Variants in SLC35F1 observed in about 807,000 individuals in gnomAD.
The protein encoded by SLC35F1 is chromosome 6 open reading frame 169.
Under a neutral mutation model 48.7 loss-of-function variants are expected in SLC35F1, and 14 were observed. That is an observed-to-expected ratio of 0.29 (90% CI 0.19 to 0.45). SLC35F1 has a LOEUF of 0.45. SLC35F1 is among the 20% of genes least tolerant of loss of function. The pLI, the probability that SLC35F1 is intolerant of heterozygous loss-of-function variation, is 1.00. For missense variants in SLC35F1, 404 were observed against 500.0 expected (o/e 0.81, Z 1.83); for synonymous variants, 190 against 202.2 (o/e 0.94, Z 0.51).
At chr6:118,041,433 C>A (rs1772218278) in intron 1 of SLC35F1, among the ~76,000 whole-genome samples, 1 of 152,138 alleles carries the variant, frequency 6.6e-6, no homozygotes, top group African/African-American at 2.4e-5. Context: ...CCAGCCTCAT[C>A]TAACACTTCT....
At chr6:118,038,889 T>C (rs1772171100) in intron 1 of SLC35F1, among the ~76,000 whole-genome samples, 1 of 152,186 alleles carries the variant, frequency 6.6e-6, no homozygotes, top group African/African-American at 2.4e-5. Flanking sequence ...CCCAAATCAC[T>C]GGGATTATAG....
At chr6:118,171,324 C>T (rs982868929) in intron 2 of SLC35F1, among the ~76,000 whole-genome samples, 2 of 152,188 alleles carry the variant, frequency 1.3e-5, no homozygotes, top group African/African-American at 4.8e-5. Flanking sequence ...AGCTACCATG[C>T]CCAGCCTGCA....
At position 118,314,043 on chromosome 6, in the gene SLC35F1, C is replaced by A. The variant is rs1257844661; in HGVS notation, c.1018C>A (p.Leu340Ile). 1 of 1,614,152 alleles carries A rather than the reference C, an allele frequency of 6.2e-7. No homozygotes were observed. The highest frequency in any genetic ancestry group is 2.2e-5 in the East Asian group (1 of 44,882). Residue 340 changes from leucine to isoleucine, a missense_variant, in exon 8 of 8, where the codon CTC (leucine) becomes ATC (isoleucine). Physicochemically the swap from Leu to Ile is conservative, Grantham distance 5. Transcript: ENST00000360388. ...GTTTTTTTAGTTTTCAGGACTTTATCTCCTGTCTTTCTTCACCATCCTCAT... is the reference window on the plus strand; with the variant it reads ...GTTTTTTTAGTTTTCAGGACTTTATATCCTGTCTTTCTTCACCATCCTCAT... The part of the protein sequence containing the change: ...LFHYKFSGLY[L>I]LSFFTILIGL...
chr6:117,932,171 C>G (rs1445113974), intron 1 of SLC35F1, among the ~76,000 whole-genome samples: 2 of 152,190 alleles, frequency 1.3e-5, no homozygotes, highest in African/African-American at 2.4e-5. Flanking sequence ...ATCTTGGAAG[C>G]AGAGAGCAGC....
chr6:118,111,739 A>T (rs1431676676), intron 1 of SLC35F1, among the ~76,000 whole-genome samples: 2 of 152,202 alleles, frequency 1.3e-5, no homozygotes, highest in Non-Finnish European at 2.9e-5. Context: ...TAAAAGAATA[A>T]GAGAAACAAT....
At chr6:118,165,137 G>A (rs766222467) in intron 2 of SLC35F1, among the ~76,000 whole-genome samples, 5 of 152,140 alleles carry the variant, frequency 3.3e-5, no homozygotes, top group Non-Finnish European at 7.4e-5. Context: ...GGGAAGGGAG[G>A]GTTGCCAAAG....
At chr6:118,084,224 C>T (rs1189464217) in intron 1 of SLC35F1, among the ~76,000 whole-genome samples, 1 of 152,050 alleles carries the variant, frequency 6.6e-6, no homozygotes, top group Non-Finnish European at 1.5e-5. Flanking sequence ...TTTATAAAGT[C>T]CCATGACTTT....
At chr6:118,153,331 A>C (rs1774091270) in intron 1 of SLC35F1, among the ~76,000 whole-genome samples, 1 of 152,230 alleles carries the variant, frequency 6.6e-6, no homozygotes, top group Admixed American at 6.5e-5. Context: ...AGAAATGATA[A>C]ATTTTTGATC....
At chr6:118,159,247 A>AAAAAG (rs1774191640) in intron 2 of SLC35F1, among the ~76,000 whole-genome samples, 1 of 146,628 alleles carries the variant, frequency 6.8e-6, no homozygotes, top group Admixed American at 6.8e-5. Context: ...AAAAAAAAAA[A>AAAAAG]GTGCTTACTG....
chr6:117,994,047 C>T (rs755284319), intron 1 of SLC35F1, among the ~76,000 whole-genome samples: 4 of 152,054 alleles, frequency 2.6e-5, no homozygotes, highest in East Asian at 1.9e-4. Context: ...TCTCTGCAGG[C>T]GCTAGGGGAG....
intron 5 of SLC35F1, among the ~76,000 whole-genome samples, chr6:118,277,075 T>C (rs1198491002): frequency 6.6e-6 from 1 of 152,162 alleles, no homozygotes; most frequent in Non-Finnish European, 1.5e-5. Flanking sequence ...TTTAACCCAC[T>C]CTCCAGTTGG....
intron 1 of SLC35F1, among the ~76,000 whole-genome samples, chr6:118,002,774 C>CTT (rs1487978071): frequency 4.6e-5 from 7 of 151,084 alleles, no homozygotes; most frequent in Non-Finnish European, 1.0e-4. Flanking sequence ...GAATTTCTAA[C>CTT]CTGTCTGGAA....
intron 1 of SLC35F1, among the ~76,000 whole-genome samples, chr6:118,054,639 C>G (rs9489302): frequency 0.17 from 26,210 of 152,048 alleles, 2,522 homozygotes; most frequent in Admixed American, 0.28. Context: ...TACCTGTCAC[C>G]TTCTTCCCTT....
intron 1 of SLC35F1, among the ~76,000 whole-genome samples, chr6:118,118,754 A>G (rs548052514): frequency 6.6e-6 from 1 of 152,146 alleles, no homozygotes; most frequent in South Asian, 2.1e-4. Flanking sequence ...AGCAGAACTC[A>G]TTTCAGGAAG....
At chr6:118,122,340 G>A (rs1773563580) in intron 1 of SLC35F1, among the ~76,000 whole-genome samples, 1 of 152,148 alleles carries the variant, frequency 6.6e-6, no homozygotes, top group South Asian at 2.1e-4. Flanking sequence ...TGACAGTGTG[G>A]TAGGCTTGAT....
intron 1 of SLC35F1, among the ~76,000 whole-genome samples, chr6:118,147,144 T>C (rs1388836382): frequency 1.3e-5 from 2 of 152,170 alleles, no homozygotes; most frequent in African/African-American, 2.4e-5. Context: ...ATCTTCAGTA[T>C]AAATGACTGC....
At chr6:118,147,601 A>T (rs1461512858) in intron 1 of SLC35F1, among the ~76,000 whole-genome samples, 1 of 152,236 alleles carries the variant, frequency 6.6e-6, no homozygotes, top group African/African-American at 2.4e-5. Context: ...GCAATCACGG[A>T]GCTTAGTTAG....
chr6:118,268,907 G>T (rs1411995786), intron 4 of SLC35F1, among the ~76,000 whole-genome samples: 1 of 152,092 alleles, frequency 6.6e-6, no homozygotes, highest in African/African-American at 2.4e-5. Flanking sequence ...ACTGCGGCCG[G>T]CCTAAAGTTG....
At chr6:118,264,934 A>T (rs771729668) in intron 3 of SLC35F1, among the ~76,000 whole-genome samples, 5 of 152,236 alleles carry the variant, frequency 3.3e-5, no homozygotes, top group African/African-American at 7.2e-5. Flanking sequence ...GTGCTGTAGT[A>T]CAATCCTACC....
Sources: allele counts gnomAD v4.1 joint callset (sites outside exome capture counted in the v4.1 genomes callset), GRCh38; gene constraint gnomAD v4.1.1; transcripts MANE v1.5; gene names NCBI Gene and HGNC (gene_info 2026-07-23, HGNC 2026-07-21).